The following DEPDC1B variants were observed in gnomAD, a reference collection of about 807,000 sequenced individuals.
DEPDC1B encodes the protein DEP domain containing 1B, also known as DEP domain-containing protein 1B.
DEPDC1B carries 51 observed loss-of-function variants against 66.5 expected under a neutral mutation model. The ratio of observed to expected loss-of-function variants is 0.77; its 90% CI spans 0.61 to 0.97. The LOEUF (loss-of-function observed/expected upper bound fraction) is 0.97. Ranked by LOEUF, DEPDC1B falls within the 50% of genes least tolerant of loss-of-function variation. The pLI, the probability that DEPDC1B is intolerant of heterozygous loss-of-function variation, is 0.00. For synonymous variants in DEPDC1B, 226 were observed against 223.6 expected, an observed-to-expected ratio of 1.01 and a Z score of -0.10; for missense variants, 552 against 637.1, an observed-to-expected ratio of 0.87 and a Z score of 1.44.
chr5:60,695,592 G>A (rs1754635942), intron 1 of DEPDC1B, among the ~76,000 whole-genome samples: 1 of 152,110 alleles, frequency 6.6e-6, no homozygotes, highest in Admixed American at 6.6e-5. Context: ...CATATCAAGA[G>A]TCAATTATGC....
chr5:60,643,892 G>A (rs1329017711), intron 5 of DEPDC1B, among the ~76,000 whole-genome samples: 1 of 152,116 alleles, frequency 6.6e-6, no homozygotes, highest in Non-Finnish European at 1.5e-5. Flanking sequence ...CAGGAAACAT[G>A]GCATAGAAAA....
At chr5:60,680,046 G>T (rs770203508) in intron 2 of DEPDC1B, among the ~76,000 whole-genome samples, 26 of 152,140 alleles carry the variant, frequency 1.7e-4, no homozygotes, top group Non-Finnish European at 3.4e-4. Flanking sequence ...AGATCATAAA[G>T]ATTAAATGAC....
intron 3 of DEPDC1B, among the ~76,000 whole-genome samples, chr5:60,646,319 G>A (rs1258261133): frequency 6.6e-6 from 1 of 152,078 alleles, no homozygotes; most frequent in African/African-American, 2.4e-5. Context: ...ATTTGGTCAG[G>A]GGCTAGTACA....
chr5:60,669,748 A>T (rs995242917), intron 2 of DEPDC1B, among the ~76,000 whole-genome samples: 9 of 152,256 alleles, frequency 5.9e-5, no homozygotes, highest in African/African-American at 2.2e-4. Flanking sequence ...CTTATTCCAC[A>T]TGAATAAAGA....
chr5:60,618,400 T>C (rs1050442320), intron 7 of DEPDC1B, among the ~76,000 whole-genome samples: 3 of 151,556 alleles, frequency 2.0e-5, no homozygotes, highest in Non-Finnish European at 4.4e-5. Context: ...GCAAGACTAA[T>C]AAAGAAGAAA....
intron 2 of DEPDC1B, among the ~76,000 whole-genome samples, chr5:60,681,845 T>TA (rs1754303272): frequency 1.3e-5 from 2 of 151,890 alleles, no homozygotes; most frequent in African/African-American, 4.8e-5. Flanking sequence ...CAAACTCCCC[T>TA]ACTCAAGCAA....
At chr5:60,600,824 C>A (rs1380380853) in intron 9 of DEPDC1B, among the ~76,000 whole-genome samples, 1 of 152,234 alleles carries the variant, frequency 6.6e-6, no homozygotes, top group African/African-American at 2.4e-5. Context: ...ACAAACCTAG[C>A]AAGTATACAG....
chr5:60,603,690 A>G, intron 8 of DEPDC1B, 123 bp from the exon 9 acceptor site: 1 of 970,372 alleles, frequency 1.0e-6, no homozygotes, highest in South Asian at 2.4e-5. Flanking sequence ...TTCTACCAAG[A>G]GTACCCAGCC....
chr5:60,654,248 G>T (rs1266697428), intron 2 of DEPDC1B, among the ~76,000 whole-genome samples: 1 of 148,696 alleles, frequency 6.7e-6, no homozygotes, highest in Non-Finnish European at 1.5e-5. Context: ...CATGGAATGT[G>T]TTCCATTTGT....
intron 6 of DEPDC1B, among the ~76,000 whole-genome samples, chr5:60,641,401 T>A (rs900650381): frequency 1.3e-5 from 2 of 149,006 alleles, no homozygotes; most frequent in Non-Finnish European, 3.0e-5. Flanking sequence ...CAGGCTGGAG[T>A]GCAGTGGCAC....
chr5:60,699,973 G>A, intron 1 of DEPDC1B, 73 bp downstream of exon 1: 1 of 1,518,852 alleles, frequency 6.6e-7, no homozygotes, highest in Non-Finnish European at 8.9e-7. Flanking sequence ...AGACTGACAA[G>A]CACTCTGTCC....
intron 7 of DEPDC1B, among the ~76,000 whole-genome samples, chr5:60,612,549 G>GT (rs1752437132): frequency 1.0e-5 from 1 of 97,748 alleles, no homozygotes; most frequent in Admixed American, 1.0e-4. Context: ...AAAAAAAAAA[G>GT]AATAGTAAGT....
At chr5:60,617,897 T>G (rs906600187) in intron 7 of DEPDC1B, among the ~76,000 whole-genome samples, 2 of 152,170 alleles carry the variant, frequency 1.3e-5, no homozygotes, top group Admixed American at 1.3e-4. Context: ...AGTAAAGCAC[T>G]CCTCAGCAAA....
At chr5:60,603,588 G>C (rs374736091) in intron 8 of DEPDC1B, 21 bp from the exon 9 acceptor site, 6 of 1,559,148 alleles carry the variant, frequency 3.8e-6, no homozygotes, top group Admixed American at 2.1e-5. Flanking sequence ...AGCGGGGTGG[G>C]GGGTAAACGC....
In DEPDC1B at chr5:60,621,522, C is replaced by T. The variant is rs114070154; in HGVS notation, c.899-15666G>A. 4.8e-3 allele frequency among the ~76,000 whole-genome samples: 730 copies of T among 151,638 alleles called. 2 individuals carry two copies. The highest frequency in any genetic ancestry group is 8.2e-3 in the Non-Finnish European group (559 of 67,870). ...ACACAGAAAGGGGAATATAACACAC[C>T]GGGGCCTGTCCTGGGGTAGGGGGAG... is the stretch of plus-strand genomic sequence containing the variant. On this transcript the variant is annotated intron_variant, in intron 7 of 10. Coordinates refer to ENST00000265036, the MANE Select transcript of DEPDC1B (RefSeq NM_018369.3).
intron 2 of DEPDC1B, among the ~76,000 whole-genome samples, chr5:60,680,609 T>G (rs1754276927): frequency 6.6e-6 from 1 of 152,226 alleles, no homozygotes; most frequent in African/African-American, 2.4e-5. Context: ...TTTAGGTAGC[T>G]TTCTCTAACA....
chr5:60,660,767 T>G (rs201792601), intron 2 of DEPDC1B, among the ~76,000 whole-genome samples: 1 of 152,352 alleles, frequency 6.6e-6, no homozygotes, highest in East Asian at 1.9e-4. Flanking sequence ...CACTAACCAC[T>G]GAAAATTCCC....
rs558424428 is a variant in DEPDC1B, at chr5:60,681,168, C to A, written c.314+5794G>T. 5.9e-4 allele frequency among the ~76,000 whole-genome samples: 90 copies of A among 152,260 alleles called. No individual in the cohort carries two copies. The South Asian group carries it at 0.014, about 24-fold the overall frequency. On this transcript the variant is annotated intron_variant, in intron 2 of 10. Coordinates refer to ENST00000265036, the MANE Select transcript of DEPDC1B (RefSeq NM_018369.3). Reference sequence around the variant, plus strand: ...TCTCAGAACTACTTACAAAATGTTTCCCTTCAGACCAGCCCACCCAGGCCC... The same window carrying A: ...TCTCAGAACTACTTACAAAATGTTTACCTTCAGACCAGCCCACCCAGGCCC...
At chr5:60,618,074 T>A (rs917860444) in intron 7 of DEPDC1B, among the ~76,000 whole-genome samples, 1 of 152,210 alleles carries the variant, frequency 6.6e-6, no homozygotes, top group Non-Finnish European at 1.5e-5. Context: ...GAAATAAAGA[T>A]ATTCTTTGAA....
Sources: gnomAD v4.1 joint callset for allele counts (sites outside exome capture counted in the v4.1 genomes callset) on GRCh38, gnomAD v4.1.1 for gene constraint, MANE v1.5 for transcripts, NCBI Gene and HGNC (gene_info 2026-07-23, HGNC 2026-07-21) for gene names.